ASAH1: variants seen among roughly 807,000 people sequenced by gnomAD.
The protein encoded by ASAH1 is acid ceramidase.
In ASAH1, 70 loss-of-function variants were observed where a neutral mutation model predicts 59.5. The observed-to-expected ratio is 1.18, with a 90% CI of 0.97 to 1.43. The LOEUF (loss-of-function observed/expected upper bound fraction) is 1.43, where lower values mean the gene tolerates loss of function less well. Ranked by LOEUF, ASAH1 falls within the 40% of genes most tolerant of loss-of-function variation. The pLI is 0.00. For missense variants in ASAH1, 660 were observed against 482.5 expected, an observed-to-expected ratio of 1.37 and a Z score of -3.45; for synonymous variants, 213 against 166.5, an observed-to-expected ratio of 1.28 and a Z score of -2.15.
chr8:18,075,001 C>CTTTTTTTTTTTTTTTT lies in ASAH1; in HGVS notation c.125+539_125+540insAAAAAAAAAAAAAAAA, dbSNP rs769278694. Among the ~76,000 whole-genome samples the CTTTTTTTTTTTTTTTT allele has an allele frequency of 1.3e-3, 200 of 148,442 alleles. 2 individuals are homozygous for CTTTTTTTTTTTTTTTT. The highest frequency in any genetic ancestry group is 2.2e-3 in the Admixed American group (32 of 14,666). On this transcript the variant is annotated intron_variant, in intron 2 of 13. Transcript: ENST00000637790. ...ATTGAGTGGAGAATGAAAATCCTTTCCTTTTTTTTTTTGAGACAGAGTCTC... is the reference window on the plus strand; with the variant it reads ...ATTGAGTGGAGAATGAAAATCCTTTCTTTTTTTTTTTTTTTTCTTTTTTTTTTTGAGACAGAGTCTC...
intron 4 of ASAH1, chr8:18,067,597 G>C (rs1346404344): frequency 6.1e-6 from 1 of 164,248 alleles, no homozygotes; most frequent in African/African-American, 2.4e-5. Flanking sequence ...GCAGGAACGA[G>C]AGTAATTCCA....
intron 5 of ASAH1, chr8:18,066,726 A>G (rs766247512): frequency 7.3e-4 from 114 of 155,360 alleles, no homozygotes; most frequent in Admixed American, 1.3e-3. Flanking sequence ...CTTCCTAGGT[A>G]TATATCCAGA....
At position 18,062,428 on chromosome 8, in the gene ASAH1, A is replaced by G; in HGVS notation, c.504-5T>C. On this transcript the variant is annotated splice_polypyrimidine_tract_variant and splice_region_variant and intron_variant, in intron 7 of 13. Coordinates refer to ENST00000637790, the MANE Select transcript of ASAH1 (RefSeq NM_177924.5). ...GTATCATTATTTATGTTCCACCTAT[A>G]AAAGACATGTTTCAGTGACATTTCA... The G allele has an allele frequency of 6.2e-7, 1 of 1,614,000 alleles. No homozygotes were observed.
At chr8:18,070,036 A>G (rs1234028776) in intron 3 of ASAH1, among the ~76,000 whole-genome samples, 158 bp from the exon 4 acceptor site, 1 of 152,218 alleles carries the variant, frequency 6.6e-6, no homozygotes, top group East Asian at 1.9e-4. Context: ...GCTGGAGTGC[A>G]GTAGCACCAT....
intron 13 of ASAH1, chr8:18,058,445 T>C (rs937282464): frequency 5.3e-5 from 10 of 190,464 alleles, no homozygotes; most frequent in South Asian, 1.1e-4. Flanking sequence ...TAAACAGATG[T>C]AGTAAAGTTT....
Position 18,059,625 on chromosome 8 carries a change from A to C in ASAH1, c.864T>G (p.Ser288=). 6.2e-7 allele frequency: 1 copy of C among 1,614,198 alleles called. No individual in the cohort carries two copies. The highest frequency in any genetic ancestry group is 1.7e-5 in the Admixed American group (1 of 60,016). The change falls in exon 11 of 14, where the codon TCT becomes TCG. Residue 288 remains serine, a synonymous_variant. Coordinates refer to ENST00000637790, the MANE Select transcript of ASAH1 (RefSeq NM_177924.5). ...PAYFILGGNQ[S]GEGCVITRDR... is the part of the protein sequence containing the mutation. Reference sequence around the variant, plus strand: ...CTCGTGTAATCACACAACCTTCCCCAGACTGGTTGCCTCCCAGGATAAAGT... The same window carrying C: ...CTCGTGTAATCACACAACCTTCCCCCGACTGGTTGCCTCCCAGGATAAAGT...
In ASAH1 at chr8:18,064,685, C is replaced by T. The variant is rs974457541; in HGVS notation, c.383-154G>A. 8.0e-6 allele frequency: 5 copies of T among 621,674 alleles called. No individual in the cohort carries two copies. In the Admixed American group the frequency reaches 1.4e-4, roughly 17 times the overall value. 38.5% of individuals were successfully genotyped at this position (621,674 alleles called of 1,614,324 possible). A position where few individuals can be genotyped will look rare whatever the true frequency, so the allele number is the denominator to read the frequency against. On this transcript the variant is annotated intron_variant, in intron 5 of 13. Coordinates refer to ENST00000637790, the MANE Select transcript of ASAH1 (RefSeq NM_177924.5). The stretch of plus-strand genomic sequence containing the variant: ...CGGCCGGCTGGAGGTGGTTTTCTTC[C>T]CCAGCCTGGACTCTCTAGACTCAAG...
At chr8:18,073,569 G>T (rs555296003) in intron 2 of ASAH1, among the ~76,000 whole-genome samples, 1 of 152,290 alleles carries the variant, frequency 6.6e-6, no homozygotes, top group Admixed American at 6.5e-5. Context: ...ATGCTGAATG[G>T]GACTCAGATG....
In ASAH1 at chr8:18,064,451, A is replaced by T. The variant is rs755547405; in HGVS notation, c.457+6T>A. 6.4e-7 allele frequency: 1 copy of T among 1,558,420 alleles called. No individual in the cohort carries two copies. Among genetic ancestry groups the T allele is most frequent in the Non-Finnish European group, 8.8e-7 (1 of 1,131,250 alleles). On this transcript the variant is annotated splice_donor_region_variant and intron_variant, in intron 6 of 13. Transcript: ENST00000637790. ...TGCTGCCCACCCTCCCTCAGCGCACAATTACCTTTTTTGTCTTCTGCTACT... is the reference window on the plus strand; with the variant it reads ...TGCTGCCCACCCTCCCTCAGCGCACTATTACCTTTTTTGTCTTCTGCTACT...
intron 10 of ASAH1, chr8:18,061,168 G>C (rs544330239): frequency 2.4e-5 from 11 of 460,940 alleles, no homozygotes; most frequent in Non-Finnish European, 4.3e-5. Flanking sequence ...AGTATCCCTA[G>C]TGCTTTTTAA....
upstream of ASAH1, chr8:18,084,776 T>C (rs1391906531): frequency 6.2e-7 from 1 of 1,613,574 alleles, no homozygotes; most frequent in East Asian, 2.2e-5. Flanking sequence ...GCGAGCTTTC[T>C]CTCCCAGCCC....
chr8:18,073,426 T>A, intron 2 of ASAH1: 1 of 855,344 alleles, frequency 1.2e-6, no homozygotes, highest in South Asian at 1.6e-5. Flanking sequence ...GTCCATGCCA[T>A]TCATAATATC....
At chr8:18,063,809 T>G (rs1416633833) in intron 6 of ASAH1, 1 of 158,036 alleles carries the variant, frequency 6.3e-6, no homozygotes, top group Non-Finnish European at 1.4e-5. Context: ...TGGTCATGTT[T>G]TGGTTCACTA....
Position 18,083,972 on chromosome 8 carries a change from C to T in ASAH1, c.78+9G>A. 1 of 1,597,486 alleles carries T rather than the reference C, an allele frequency of 6.3e-7. No homozygotes were observed. The highest frequency in any genetic ancestry group is 1.1e-5 in the South Asian group (1 of 90,870). On this transcript the variant is annotated intron_variant, in intron 1 of 13. Transcript: ENST00000637790. ...GCCCCTCTCTGCGCCTCGGCTCAAG[C>T]TCACTCACCGGCGGCGCGTGCTGCG...
At chr8:18,068,596 G>A (rs1021192365) in intron 4 of ASAH1, 2 of 152,346 alleles carry the variant, frequency 1.3e-5, no homozygotes, top group Non-Finnish European at 2.9e-5. Flanking sequence ...TAACATCTAA[G>A]GACATTTTTG....
intron 5 of ASAH1, chr8:18,066,454 C>G (rs1799933647): frequency 7.0e-6 from 1 of 142,330 alleles, no homozygotes; most frequent in Admixed American, 6.9e-5. Flanking sequence ...ATAAACTGTT[C>G]AATCTCATTA....
upstream of ASAH1, chr8:18,084,830 G>T (rs145184264): frequency 7.4e-6 from 12 of 1,611,138 alleles, no homozygotes; most frequent in Non-Finnish European, 9.3e-6. Flanking sequence ...CCTAACTGGC[G>T]AAGGACTCAG....
At chr8:18,068,217 A>C (rs1444022542) in intron 4 of ASAH1, 1 of 152,208 alleles carries the variant, frequency 6.6e-6, no homozygotes, top group East Asian at 1.9e-4. Context: ...TCATAGGTTA[A>C]GAAACTTTCC....
intron 2 of ASAH1, among the ~76,000 whole-genome samples, chr8:18,074,604 T>C (rs1800313358): frequency 6.6e-6 from 1 of 152,218 alleles, no homozygotes; most frequent in African/African-American, 2.4e-5. Context: ...CACCACCCCC[T>C]ATACCTGTTC....
Sources: gnomAD v4.1 joint callset for allele counts (sites outside exome capture counted in the v4.1 genomes callset) on GRCh38, gnomAD v4.1.1 for gene constraint, MANE v1.5 for transcripts, NCBI Gene and HGNC (gene_info 2026-07-23, HGNC 2026-07-21) for gene names.